Variants in FBXL17 observed in about 807,000 individuals in gnomAD.
FBXL17 encodes F-box/LRR-repeat protein 17.
A neutral mutation model predicts 66.2 loss-of-function variants in FBXL17; 22 were observed. The ratio of observed to expected loss-of-function variants is 0.33; its 90% CI spans 0.24 to 0.47. The LOEUF is 0.47. FBXL17 is among the 20% of genes least tolerant of loss of function. The pLI is 1.00. For missense variants in FBXL17, 878 were observed against 948.2 expected, an observed-to-expected ratio of 0.93 and a Z score of 0.97; for synonymous variants, 474 against 400.5, an observed-to-expected ratio of 1.18 and a Z score of -2.19.
intron 4 of FBXL17, among the ~76,000 whole-genome samples, chr5:108,267,751 G>A (rs1757103786): frequency 1.3e-5 from 2 of 152,022 alleles, no homozygotes; most frequent in African/African-American, 2.4e-5. Context: ...GTGCTATGAA[G>A]TCAGATAAAG....
intron 7 of FBXL17, among the ~76,000 whole-genome samples, chr5:107,936,222 T>C (rs1473056621): frequency 6.6e-6 from 1 of 152,138 alleles, no homozygotes; most frequent in Non-Finnish European, 1.5e-5. Context: ...ATTTTTCAAA[T>C]TCAATAATTT....
At chr5:108,208,365 T>C (rs1754218850) in intron 5 of FBXL17, among the ~76,000 whole-genome samples, 1 of 152,210 alleles carries the variant, frequency 6.6e-6, no homozygotes, top group African/African-American at 2.4e-5. Context: ...CTTTTGGTGT[T>C]TTAGAGATGA....
At chr5:108,150,102 T>C (rs760938738) in intron 6 of FBXL17, among the ~76,000 whole-genome samples, 1 of 152,226 alleles carries the variant, frequency 6.6e-6, no homozygotes, top group Non-Finnish European at 1.5e-5. Flanking sequence ...GCAAAACCAT[T>C]TGAAAGTAAA....
At chr5:108,085,112 T>C (rs1356402279) in intron 6 of FBXL17, among the ~76,000 whole-genome samples, 1 of 152,200 alleles carries the variant, frequency 6.6e-6, no homozygotes, top group Non-Finnish European at 1.5e-5. Context: ...ACATATCAAT[T>C]TCAAATTTTG....
chr5:107,975,842 G>A (rs560324168), intron 7 of FBXL17, among the ~76,000 whole-genome samples: 69 of 84,280 alleles, frequency 8.2e-4, no homozygotes, highest in African/African-American at 3.1e-3. Context: ...TAATTAGAGG[G>A]TTTTTGTTGT....
intron 7 of FBXL17, among the ~76,000 whole-genome samples, chr5:107,967,886 G>A: frequency 6.6e-6 from 1 of 151,932 alleles, no homozygotes; most frequent in East Asian, 1.9e-4. Flanking sequence ...TTTAAGGTGG[G>A]ACAAATAATT....
At chr5:108,025,922 T>C (rs1247786256) in intron 6 of FBXL17, among the ~76,000 whole-genome samples, 6 of 131,578 alleles carry the variant, frequency 4.6e-5, no homozygotes, top group East Asian at 4.7e-4. Flanking sequence ...ACAGAAAGAA[T>C]AATGATATCT....
chr5:108,245,205 A>G lies in FBXL17; in HGVS notation c.1507-20977T>C, dbSNP rs543955824. On this transcript the variant is annotated intron_variant, in intron 4 of 8. Coordinates refer to ENST00000542267, the MANE Select transcript of FBXL17 (RefSeq NM_001163315.3). ...TGTATAATATGCAAAAAGAAAATGCACAGAAGCAAGAGCACGACCTTCAAA... is the reference window on the plus strand; with the variant it reads ...TGTATAATATGCAAAAAGAAAATGCGCAGAAGCAAGAGCACGACCTTCAAA... Among the ~76,000 whole-genome samples the G allele has an allele frequency of 7.2e-5, 11 of 152,288 alleles. No individual in the cohort carries two copies. The East Asian group carries it at 2.1e-3, about 29-fold the overall frequency.
At chr5:108,161,161 G>GATACATATATAC (rs1554070795) in intron 6 of FBXL17, among the ~76,000 whole-genome samples, 1 of 149,202 alleles carries the variant, frequency 6.7e-6, no homozygotes, top group Non-Finnish European at 1.5e-5. Flanking sequence ...TCAACAAATA[G>GATACATATATAC]ATACATACAT....
chr5:107,929,166 G>A (rs961176174), intron 7 of FBXL17, among the ~76,000 whole-genome samples: 41 of 152,146 alleles, frequency 2.7e-4, no homozygotes, highest in Non-Finnish European at 4.1e-4. Context: ...AGACTAAACA[G>A]ACACAGTAGG....
At chr5:108,051,423 G>T (rs1318572236) in intron 6 of FBXL17, among the ~76,000 whole-genome samples, 1 of 152,150 alleles carries the variant, frequency 6.6e-6, no homozygotes, top group Non-Finnish European at 1.5e-5. Context: ...GGGATGCAAG[G>T]CTGGTTCAAC....
intron 7 of FBXL17, among the ~76,000 whole-genome samples, chr5:107,977,132 G>A (rs73204764): frequency 0.12 from 18,283 of 152,182 alleles, 1,354 homozygotes; most frequent in East Asian, 0.2. Context: ...ATTATACTAA[G>A]TTATTCATTG....
At chr5:108,047,813 G>A (rs765722589) in intron 6 of FBXL17, among the ~76,000 whole-genome samples, 21 of 152,202 alleles carry the variant, frequency 1.4e-4, no homozygotes, top group Non-Finnish European at 2.2e-4. Flanking sequence ...GAGCCCCTAG[G>A]AGGAGGGGTG....
intron 7 of FBXL17, among the ~76,000 whole-genome samples, chr5:108,005,274 AG>A (rs1753882277): frequency 6.6e-6 from 1 of 152,120 alleles, no homozygotes; most frequent in South Asian, 2.1e-4. Flanking sequence ...GTAAAGTATC[AG>A]AGTCCCAGGT....
At chr5:108,236,550 A>C (rs910597534) in intron 4 of FBXL17, among the ~76,000 whole-genome samples, 3 of 151,996 alleles carry the variant, frequency 2.0e-5, no homozygotes, top group African/African-American at 7.2e-5. Flanking sequence ...AAAAAACACA[A>C]AACAAAAACA....
At chr5:108,094,922 T>C (rs1333567487) in intron 6 of FBXL17, among the ~76,000 whole-genome samples, 1 of 151,968 alleles carries the variant, frequency 6.6e-6, no homozygotes, top group African/African-American at 2.4e-5. Context: ...ATAAACTGTT[T>C]ATCTTGGCAA....
intron 7 of FBXL17, among the ~76,000 whole-genome samples, chr5:107,961,995 T>C (rs568035115): frequency 3.0e-4 from 46 of 152,282 alleles, no homozygotes; most frequent in Middle Eastern, 3.4e-3. Context: ...GTGAAATGCC[T>C]TTGGAATAAC....
chr5:108,209,281 T>G (rs2922414), intron 5 of FBXL17, among the ~76,000 whole-genome samples: 1 of 152,114 alleles, frequency 6.6e-6, no homozygotes, highest in South Asian at 2.1e-4. Context: ...ACTTCCTCTC[T>G]TCCTATCTGA....
chr5:108,198,387 G>C (rs1183708234), intron 5 of FBXL17, among the ~76,000 whole-genome samples: 1 of 152,126 alleles, frequency 6.6e-6, no homozygotes, highest in Non-Finnish European at 1.5e-5. Context: ...ATCCATACTA[G>C]TGAAACAGGA....
Sources: allele counts gnomAD v4.1 joint callset (sites outside exome capture counted in the v4.1 genomes callset), GRCh38; gene constraint gnomAD v4.1.1; transcripts MANE v1.5; gene names NCBI Gene and HGNC (gene_info 2026-07-23, HGNC 2026-07-21).